The following UBASH3B variants were observed in gnomAD, a reference collection of about 807,000 sequenced individuals.
UBASH3B encodes ubiquitin-associated and SH3 domain-containing protein B.
A neutral mutation model predicts 83.4 loss-of-function variants in UBASH3B; 37 were observed. That is an observed-to-expected ratio of 0.44 (90% CI 0.34 to 0.58). The LOEUF is 0.58. UBASH3B is among the 20% of genes least tolerant of loss of function. The probability of loss-of-function intolerance (pLI) is 0.01; values close to 1 mark genes in which losing one functional copy is unlikely to be tolerated. For synonymous variants in UBASH3B, 304 were observed against 318.3 expected, an observed-to-expected ratio of 0.96 and a Z score of 0.48; for missense variants, 657 against 827.2, an observed-to-expected ratio of 0.79 and a Z score of 2.52.
chr11:122,744,739 G>A (rs571257548), intron 1 of UBASH3B, among the ~76,000 whole-genome samples: 7 of 152,212 alleles, frequency 4.6e-5, no homozygotes, highest in African/African-American at 1.7e-4. Flanking sequence ...TGTTTTGTGT[G>A]TGATTGTGTC....
chr11:122,788,985 G>A (rs910846577), intron 5 of UBASH3B, 115 bp from the exon 6 acceptor site: 1 of 954,290 alleles, frequency 1.0e-6, no homozygotes, highest in African/African-American at 1.6e-5. Flanking sequence ...AGGGCTCCTG[G>A]GCACATCGCC....
intron 9 of UBASH3B, 66 bp from the exon 10 acceptor site, chr11:122,798,875 CA>C: frequency 7.2e-7 from 1 of 1,393,562 alleles, no homozygotes. Context: ...GGCCCCCTCT[CA>C]CACTGCGGGT....
intron 10 of UBASH3B, among the ~76,000 whole-genome samples, chr11:122,800,779 T>C (rs1437048228): frequency 2.0e-5 from 3 of 151,992 alleles, no homozygotes; most frequent in African/African-American, 7.2e-5. Flanking sequence ...TGTTAATGTT[T>C]GTATTTTTGG....
At chr11:122,802,420 C>T (rs1026585742) in intron 11 of UBASH3B, among the ~76,000 whole-genome samples, 3 of 151,310 alleles carry the variant, frequency 2.0e-5, no homozygotes, top group African/African-American at 7.3e-5. Flanking sequence ...AACAGATAGT[C>T]ACAACCATTA....
intron 1 of UBASH3B, among the ~76,000 whole-genome samples, chr11:122,665,110 G>A (rs775188110): frequency 3.3e-5 from 5 of 152,142 alleles, no homozygotes; most frequent in Non-Finnish European, 5.9e-5. Flanking sequence ...GTTTCACCGT[G>A]TTAGCCAGGA....
chr11:122,669,417 G>C (rs1052679372), intron 1 of UBASH3B, among the ~76,000 whole-genome samples: 2 of 152,040 alleles, frequency 1.3e-5, no homozygotes, highest in African/African-American at 4.8e-5. Context: ...CCTTGTAAGG[G>C]CCCTAATGAT....
At chr11:122,787,599 A>C (rs1345727526) in intron 5 of UBASH3B, among the ~76,000 whole-genome samples, 1 of 152,178 alleles carries the variant, frequency 6.6e-6, no homozygotes, top group African/African-American at 2.4e-5. Context: ...CCAGCCAATT[A>C]GTTCACAGGC....
At chr11:122,736,644 C>A (rs547420975) in intron 1 of UBASH3B, among the ~76,000 whole-genome samples, 1 of 152,120 alleles carries the variant, frequency 6.6e-6, no homozygotes, top group South Asian at 2.1e-4. Flanking sequence ...AACAGGCTAA[C>A]ACGCACACAT....
At chr11:122,681,581 G>T (rs1363153315) in intron 1 of UBASH3B, among the ~76,000 whole-genome samples, 1 of 152,118 alleles carries the variant, frequency 6.6e-6, no homozygotes, top group Non-Finnish European at 1.5e-5. Context: ...TAGGGACCTG[G>T]TCATCCACTG....
intron 1 of UBASH3B, among the ~76,000 whole-genome samples, chr11:122,678,815 C>T (rs1863701523): frequency 6.6e-6 from 1 of 152,182 alleles, no homozygotes; most frequent in African/African-American, 2.4e-5. Context: ...AGCAAAGGAA[C>T]CGCGTACCAG....
intron 1 of UBASH3B, among the ~76,000 whole-genome samples, chr11:122,735,991 A>T (rs186442694): frequency 7.2e-5 from 11 of 152,350 alleles, no homozygotes; most frequent in Admixed American, 7.2e-4. Flanking sequence ...ACTGATAGCA[A>T]TGTGGATGGT....
At chr11:122,797,140 T>C in intron 9 of UBASH3B, 107 bp downstream of exon 9, 1 of 1,425,812 alleles carries the variant, frequency 7.0e-7, no homozygotes, top group South Asian at 1.4e-5. Context: ...ATAACTTTCC[T>C]ACAAGTTTCC....
chr11:122,813,750 T>C lies in UBASH3B; in HGVS notation c.*3864T>C, dbSNP rs939350439. 6.6e-5 allele frequency: 10 copies of C among 152,332 alleles called. No homozygotes were observed. Among genetic ancestry groups the C allele is most frequent in the South Asian group, 2.1e-4 (1 of 4,834 alleles). 9.4% of individuals were successfully genotyped at this position (152,332 alleles called of 1,614,324 possible). ...AGGTGATGGGGGATATTTTGTTAGG[T>C]GATAGCAGAAGCTTTTCATTTTTAA... On this transcript the variant is annotated 3_prime_UTR_variant, in exon 14 of 14. Coordinates refer to ENST00000284273, the MANE Select transcript of UBASH3B (RefSeq NM_032873.5).
At chr11:122,792,657 T>A (rs912771529) in intron 6 of UBASH3B, among the ~76,000 whole-genome samples, 2 of 151,986 alleles carry the variant, frequency 1.3e-5, no homozygotes, top group Non-Finnish European at 2.9e-5. Context: ...TTTGGGAGGG[T>A]CTTAGTTTAA....
intron 1 of UBASH3B, among the ~76,000 whole-genome samples, chr11:122,744,703 T>C (rs1391101787): frequency 8.4e-5 from 1 of 11,962 alleles, no homozygotes; most frequent in African/African-American, 8.4e-4. Context: ...TGATCACATG[T>C]GCAACTGTGT....
chr11:122,679,232 G>C (rs569416024), intron 1 of UBASH3B, among the ~76,000 whole-genome samples: 2 of 152,354 alleles, frequency 1.3e-5, no homozygotes, highest in South Asian at 4.1e-4. Context: ...AGGTCAGTGC[G>C]TGCATAGGCA....
chr11:122,773,121 G>A (rs4935812), intron 1 of UBASH3B, among the ~76,000 whole-genome samples: 577 of 152,344 alleles, frequency 3.8e-3, no homozygotes, highest in African/African-American at 0.013. Flanking sequence ...TGAGTCACCC[G>A]GAGGATAGCA....
rs374959676 is a variant in UBASH3B at position 122,748,913 on chromosome 11, A to T, written c.162-27306A>T. Among the ~76,000 whole-genome samples the T allele has an allele frequency of 3.6e-3, 555 of 152,192 alleles. 5 individuals carry two copies. Among genetic ancestry groups the T allele is most frequent in the African/African-American group, 0.011 (448 of 41,504 alleles). On this transcript the variant is annotated intron_variant, in intron 1 of 13. Transcript: ENST00000284273. Reference sequence around the variant, plus strand: ...CCCTTGTTTTTTCTTTCTTTTTTTTAAATTAATTTTTATTTTTTAAAGAAC... The same window carrying T: ...CCCTTGTTTTTTCTTTCTTTTTTTTTAATTAATTTTTATTTTTTAAAGAAC...
chr11:122,668,278 A>G (rs1362349160), intron 1 of UBASH3B, among the ~76,000 whole-genome samples: 1 of 152,168 alleles, frequency 6.6e-6, no homozygotes, highest in Non-Finnish European at 1.5e-5. Flanking sequence ...TTGAGCCACC[A>G]TGCGTGGCCG....
Sources: gnomAD v4.1 joint callset for allele counts (sites outside exome capture counted in the v4.1 genomes callset) on GRCh38, gnomAD v4.1.1 for gene constraint, MANE v1.5 for transcripts, NCBI Gene and HGNC (gene_info 2026-07-23, HGNC 2026-07-21) for gene names.